The following CA10 variants were observed in gnomAD, a reference collection of about 807,000 sequenced individuals.
CA10 encodes carbonic anhydrase 10 (inactive), also known as carbonic anhydrase-related protein 10.
In CA10, 14 loss-of-function variants were observed where a neutral mutation model predicts 44.2. That is an observed-to-expected ratio of 0.32 (90% CI 0.21 to 0.50). CA10 has a LOEUF of 0.50. Among genes scored for constraint, CA10 ranks in the 20% least tolerant of loss-of-function variants. CA10 has a pLI of 0.99. For synonymous variants in CA10, 159 were observed against 141.6 expected (o/e 1.12, Z -0.87); for missense variants, 350 against 409.7 (o/e 0.85, Z 1.26).
At chr17:51,810,937 G>T (rs1294543047) in intron 3 of CA10, among the ~76,000 whole-genome samples, 1 of 152,220 alleles carries the variant, frequency 6.6e-6, no homozygotes, top group African/African-American at 2.4e-5. Context: ...CACAGGTTGG[G>T]CACAGTGGCT....
At chr17:51,646,261 C>T (rs2143256415) in intron 6 of CA10, among the ~76,000 whole-genome samples, 1 of 152,310 alleles carries the variant, frequency 6.6e-6, no homozygotes, top group East Asian at 1.9e-4. Context: ...CTCTGAAGGA[C>T]TTCGTGAGCA....
intron 2 of CA10, among the ~76,000 whole-genome samples, chr17:51,968,925 T>C (rs1984177766): frequency 6.6e-6 from 1 of 151,972 alleles, no homozygotes; most frequent in Non-Finnish European, 1.5e-5. Context: ...TAAATATTAG[T>C]TTTCTTTTGT....
At chr17:51,898,490 A>G (rs1312709437) in intron 3 of CA10, among the ~76,000 whole-genome samples, 4 of 151,936 alleles carry the variant, frequency 2.6e-5, no homozygotes, top group Non-Finnish European at 2.9e-5. Flanking sequence ...TATTTTCTTC[A>G]AGGAGAGTGG....
At chr17:51,762,172 G>A (rs1905233416) in intron 3 of CA10, 1 of 152,198 alleles carries the variant, frequency 6.6e-6, no homozygotes. Flanking sequence ...AGGGTAAATA[G>A]GCCACAGATC....
intron 3 of CA10, among the ~76,000 whole-genome samples, chr17:51,860,029 A>G (rs572520494): frequency 6.6e-6 from 1 of 152,154 alleles, no homozygotes; most frequent in Admixed American, 6.5e-5. Flanking sequence ...GAAGTGTGCA[A>G]AGACAGAGCA....
rs557593569 is a variant in CA10, at chr17:52,047,244, T to C, written c.136+25075A>G. Among the ~76,000 whole-genome samples, 10 of 152,106 alleles carry C rather than the reference T, an allele frequency of 6.6e-5. 1 individual carries two copies. In the East Asian group the frequency reaches 2.0e-3, roughly 30 times the overall value. On this transcript the variant is annotated intron_variant, in intron 2 of 8. Coordinates refer to ENST00000451037, the MANE Select transcript of CA10 (RefSeq NM_020178.5). ...GATTATATGCATATGGTTCTCTTAA[T>C]ATGAACCTCTGGGAAATGTAAAATT...
At chr17:51,820,035 A>T (rs781556391) in intron 3 of CA10, among the ~76,000 whole-genome samples, 1 of 152,058 alleles carries the variant, frequency 6.6e-6, no homozygotes, top group Non-Finnish European at 1.5e-5. Context: ...CTTAATCATT[A>T]TAAGAACCTG....
intron 4 of CA10, among the ~76,000 whole-genome samples, chr17:51,675,946 A>T (rs1027040871): frequency 3.9e-5 from 6 of 152,320 alleles, no homozygotes; most frequent in Admixed American, 2.6e-4. Flanking sequence ...TTTGAGAAGG[A>T]TCTACACATA....
chr17:51,742,206 A>G (rs1415844273), intron 4 of CA10, among the ~76,000 whole-genome samples: 1 of 152,176 alleles, frequency 6.6e-6, no homozygotes, highest in African/African-American at 2.4e-5. Flanking sequence ...GCTGGCATTC[A>G]GAGTAGAGGG....
chr17:52,135,565 G>T (rs1348371306), intron 1 of CA10, among the ~76,000 whole-genome samples: 1 of 152,082 alleles, frequency 6.6e-6, no homozygotes, highest in Non-Finnish European at 1.5e-5. Flanking sequence ...TGGCCACCTT[G>T]CTCAGCGCAC....
intron 1 of CA10, among the ~76,000 whole-genome samples, chr17:52,145,046 C>T (rs747063183): frequency 4.6e-5 from 7 of 152,152 alleles, no homozygotes; most frequent in Non-Finnish European, 8.8e-5. Flanking sequence ...TCGATGAATG[C>T]TCTTCAATAC....
chr17:52,152,254 C>A (rs1989719130), intron 1 of CA10, among the ~76,000 whole-genome samples: 1 of 152,104 alleles, frequency 6.6e-6, no homozygotes, highest in South Asian at 2.1e-4. Flanking sequence ...ACAAAGAATC[C>A]ATTGAACCGT....
chr17:52,110,413 TCC>T (rs910889744), intron 1 of CA10, among the ~76,000 whole-genome samples: 5 of 152,150 alleles, frequency 3.3e-5, no homozygotes, highest in African/African-American at 1.2e-4. Flanking sequence ...GAGCCTCAAT[TCC>T]AATAGGAAAA....
intron 4 of CA10, among the ~76,000 whole-genome samples, chr17:51,700,825 C>T (rs1011171141): frequency 2.6e-5 from 4 of 152,064 alleles, no homozygotes; most frequent in African/African-American, 9.7e-5. Context: ...GAACAGAAAA[C>T]CAAACACTGT....
chr17:51,835,717 C>A lies in CA10; in HGVS notation c.280-87899G>T, dbSNP rs569186171. 2.6e-5 allele frequency among the ~76,000 whole-genome samples: 4 copies of A among 152,342 alleles called. No individual in the cohort carries two copies. The South Asian group carries it at 8.3e-4, about 32-fold the overall frequency. On this transcript the variant is annotated intron_variant, in intron 3 of 8. Transcript: ENST00000451037. ...TGAGTTTGTCTGCCTCCAGGCAGTG[C>A]TCTAAGTACTTTATGTGTTTTATAA...
At chr17:51,865,672 A>G (rs771403006) in intron 3 of CA10, among the ~76,000 whole-genome samples, 1 of 152,224 alleles carries the variant, frequency 6.6e-6, no homozygotes, top group Non-Finnish European at 1.5e-5. Context: ...AATTTCAGAA[A>G]TGAGAAGATG....
intron 4 of CA10, among the ~76,000 whole-genome samples, chr17:51,732,055 C>A (rs1475565521): frequency 6.6e-6 from 1 of 152,164 alleles, no homozygotes; most frequent in Non-Finnish European, 1.5e-5. Context: ...TCTTCTCACT[C>A]AGGAAGAGCC....
chr17:52,159,047 C>T (rs1196100185), upstream of CA10, among the ~76,000 whole-genome samples: 1 of 152,220 alleles, frequency 6.6e-6, no homozygotes, highest in Admixed American at 6.5e-5. Flanking sequence ...GCCTCTGTTA[C>T]CCTCCAGGAT....
intron 3 of CA10, among the ~76,000 whole-genome samples, chr17:51,788,242 T>A (rs1906371964): frequency 6.6e-6 from 1 of 152,254 alleles, no homozygotes; most frequent in Non-Finnish European, 1.5e-5. Flanking sequence ...AATTTCCATG[T>A]ATTTGTTTAG....
Sources: gnomAD v4.1 joint callset for allele counts (sites outside exome capture counted in the v4.1 genomes callset) on GRCh38, gnomAD v4.1.1 for gene constraint, MANE v1.5 for transcripts, NCBI Gene and HGNC (gene_info 2026-07-23, HGNC 2026-07-21) for gene names.